SPAG16: variants seen among roughly 807,000 people sequenced by gnomAD.
The protein encoded by SPAG16 is sperm-associated antigen 16 protein.
Under a neutral mutation model 80.4 loss-of-function variants are expected in SPAG16, and 86 were observed. The observed-to-expected ratio is 1.07, with a 90% CI of 0.90 to 1.28. The LOEUF (loss-of-function observed/expected upper bound fraction) is 1.28. SPAG16 is among the 50% of genes most tolerant of loss of function. The probability of loss-of-function intolerance (pLI) is 0.00; values close to 1 mark genes in which losing one functional copy is unlikely to be tolerated. For synonymous variants in SPAG16, 294 were observed against 265.9 expected, an observed-to-expected ratio of 1.11 and a Z score of -1.03; for missense variants, 870 against 765.3, an observed-to-expected ratio of 1.14 and a Z score of -1.61.
chr2:213,746,534 G>A (rs1046916857), intron 10 of SPAG16, among the ~76,000 whole-genome samples: 23 of 152,188 alleles, frequency 1.5e-4, no homozygotes, highest in Admixed American at 9.2e-4. Context: ...GTCCGGGTGC[G>A]GTGGCTCATG....
intron 15 of SPAG16, among the ~76,000 whole-genome samples, chr2:214,295,337 C>T (rs58301419): frequency 0.04 from 6,034 of 152,244 alleles, 343 homozygotes; most frequent in East Asian, 0.2. Flanking sequence ...TTTAACAAAA[C>T]CCTAAACTTA....
intron 10 of SPAG16, among the ~76,000 whole-genome samples, chr2:213,619,540 A>G (rs1330107457): frequency 6.6e-6 from 1 of 152,212 alleles, no homozygotes. Context: ...GAAGATATTC[A>G]GATAACCAAT....
intron 10 of SPAG16, among the ~76,000 whole-genome samples, chr2:213,625,974 G>A (rs571033075): frequency 6.6e-6 from 1 of 152,208 alleles, no homozygotes; most frequent in East Asian, 1.9e-4. Context: ...ACAGGCATGA[G>A]CCACCACACC....
At chr2:213,401,885 A>C (rs1354409743) in intron 9 of SPAG16, among the ~76,000 whole-genome samples, 2 of 152,040 alleles carry the variant, frequency 1.3e-5, no homozygotes, top group Non-Finnish European at 2.9e-5. Context: ...TGCTCTGAAA[A>C]AATTTAGCAT....
At position 213,602,289 on chromosome 2, in the gene SPAG16, C is replaced by A. The variant is rs185179038; in HGVS notation, c.1070+112199C>A. Among the ~76,000 whole-genome samples, 3 of 152,228 alleles carry A rather than the reference C, an allele frequency of 2.0e-5. No individual in the cohort carries two copies. In the East Asian group the frequency reaches 5.8e-4, roughly 29 times the overall value. ...TGTAGAACAAATCCCCATTAAGTGACCCAGATCTATAATTTAAAATAACAG... is the reference window on the plus strand; with the variant it reads ...TGTAGAACAAATCCCCATTAAGTGAACCAGATCTATAATTTAAAATAACAG... On this transcript the variant is annotated intron_variant, in intron 10 of 15. Transcript: ENST00000331683.
intron 10 of SPAG16, among the ~76,000 whole-genome samples, chr2:213,784,846 T>A (rs1469240108): frequency 6.6e-6 from 1 of 151,556 alleles, no homozygotes; most frequent in East Asian, 1.9e-4. Context: ...TCCCTTGAGA[T>A]TTTTTGTATG....
intron 14 of SPAG16, among the ~76,000 whole-genome samples, chr2:214,144,455 A>T (rs2055529911): frequency 6.6e-6 from 1 of 151,982 alleles, no homozygotes; most frequent in Non-Finnish European, 1.5e-5. Context: ...CTTTATAATT[A>T]TTTATCTAAG....
At chr2:213,911,517 T>C (rs1433758567) in intron 11 of SPAG16, among the ~76,000 whole-genome samples, 1 of 152,202 alleles carries the variant, frequency 6.6e-6, no homozygotes, top group Non-Finnish European at 1.5e-5. Flanking sequence ...ATGAAGAGCA[T>C]GTAATACGTG....
At chr2:213,368,395 G>GT (rs1183513039) in intron 8 of SPAG16, among the ~76,000 whole-genome samples, 1 of 152,110 alleles carries the variant, frequency 6.6e-6, no homozygotes, top group African/African-American at 2.4e-5. Flanking sequence ...TCAAAAATTC[G>GT]TTATTGATGG....
intron 10 of SPAG16, among the ~76,000 whole-genome samples, chr2:213,767,024 T>C (rs1164820282): frequency 6.6e-6 from 1 of 152,154 alleles, no homozygotes; most frequent in Non-Finnish European, 1.5e-5. Flanking sequence ...TCAATCTCCA[T>C]ATCACCAGTT....
chr2:213,358,763 C>G (rs981233992), intron 7 of SPAG16, among the ~76,000 whole-genome samples: 2 of 152,182 alleles, frequency 1.3e-5, no homozygotes, highest in African/African-American at 4.8e-5. Flanking sequence ...CTTTTGTCAA[C>G]TCATCAAAGT....
chr2:213,683,655 A>AT (rs1263942585), intron 10 of SPAG16, among the ~76,000 whole-genome samples: 2 of 151,914 alleles, frequency 1.3e-5, no homozygotes, highest in African/African-American at 4.8e-5. Flanking sequence ...GTTCTTATAT[A>AT]TTTTTTTTCA....
chr2:213,890,595 T>C (rs937433838), intron 11 of SPAG16, among the ~76,000 whole-genome samples: 2 of 151,664 alleles, frequency 1.3e-5, no homozygotes, highest in African/African-American at 4.8e-5. Context: ...ATGACTGTTA[T>C]TTATTATTTT....
At chr2:213,855,674 G>T (rs886684261) in intron 10 of SPAG16, among the ~76,000 whole-genome samples, 17 of 152,282 alleles carry the variant, frequency 1.1e-4, no homozygotes, top group African/African-American at 3.9e-4. Context: ...ATGGCAGAAG[G>T]CACCCCTTCA....
chr2:214,339,099 G>A (rs1190306031), intron 15 of SPAG16, among the ~76,000 whole-genome samples: 1 of 152,172 alleles, frequency 6.6e-6, no homozygotes, highest in Non-Finnish European at 1.5e-5. Context: ...AAATGAAACT[G>A]ATAATTGCTT....
chr2:213,821,849 T>G (rs1165324774), intron 10 of SPAG16, among the ~76,000 whole-genome samples: 1 of 152,182 alleles, frequency 6.6e-6, no homozygotes, highest in African/African-American at 2.4e-5. Context: ...TAATGACATC[T>G]GGGTCCATCC....
chr2:214,034,752 G>GC (rs969047076), intron 13 of SPAG16, among the ~76,000 whole-genome samples: 1 of 152,190 alleles, frequency 6.6e-6, no homozygotes, highest in Non-Finnish European at 1.5e-5. Flanking sequence ...GAACTGCAAA[G>GC]CCCCATAGAG....
intron 5 of SPAG16, among the ~76,000 whole-genome samples, chr2:213,320,385 A>G (rs377681736): frequency 5.9e-5 from 9 of 152,104 alleles, no homozygotes; most frequent in African/African-American, 1.9e-4. Flanking sequence ...CATCACCTCA[A>G]ACATTTATGA....
chr2:214,327,669 T>C (rs969186746), intron 15 of SPAG16, among the ~76,000 whole-genome samples: 1 of 149,014 alleles, frequency 6.7e-6, no homozygotes, highest in African/African-American at 2.5e-5. Flanking sequence ...CATGAAGTCA[T>C]ATAATGTGCA....
Sources: allele counts gnomAD v4.1 joint callset (sites outside exome capture counted in the v4.1 genomes callset), GRCh38; gene constraint gnomAD v4.1.1; transcripts MANE v1.5; gene names NCBI Gene and HGNC (gene_info 2026-07-23, HGNC 2026-07-21).